GLIS3: variants seen among roughly 807,000 people sequenced by gnomAD.
GLIS3 encodes zinc finger protein GLIS3.
GLIS3 carries 53 observed loss-of-function variants against 78.6 expected under a neutral mutation model. The ratio of observed to expected loss-of-function variants is 0.67; its 90% confidence interval spans 0.54 to 0.85. The LOEUF (loss-of-function observed/expected upper bound fraction) is 0.85, where lower values mean the gene tolerates loss of function less well. Among genes scored for constraint, GLIS3 ranks in the 40% least tolerant of loss-of-function variants. The pLI is 0.00. For synonymous variants in GLIS3, 684 were observed against 509.9 expected, an observed-to-expected ratio of 1.34 and a Z score of -4.60; for missense variants, 1,703 against 1,231.1, an observed-to-expected ratio of 1.38 and a Z score of -5.74.
At chr9:3,922,054 G>C (rs1382023124) in intron 6 of GLIS3, among the ~76,000 whole-genome samples, 1 of 152,136 alleles carries the variant, frequency 6.6e-6, no homozygotes, top group Non-Finnish European at 1.5e-5. Flanking sequence ...TTGGCAATAT[G>C]TTGTAAGGAA....
chr9:4,364,683 T>C, the GLIS3 span, among the ~76,000 whole-genome samples: 1 of 145,512 alleles, frequency 6.9e-6, no homozygotes, highest in Non-Finnish European at 1.5e-5. Flanking sequence ...TATCTTTTTA[T>C]TTTCTTCTTT....
intron 4 of GLIS3, among the ~76,000 whole-genome samples, chr9:3,951,861 C>CACACACAG (rs956711512): frequency 3.4e-5 from 5 of 148,684 alleles, no homozygotes; most frequent in Non-Finnish European, 6.0e-5. Flanking sequence ...CACACACACA[C>CACACACAG]ACACACACAC....
chr9:4,404,358 A>G, the GLIS3 span, among the ~76,000 whole-genome samples: 1 of 152,238 alleles, frequency 6.6e-6, no homozygotes, highest in African/African-American at 2.4e-5. Flanking sequence ...AATCTGCGCT[A>G]TGGAACAAAT....
At chr9:4,077,648 C>G (rs1828190171) in intron 4 of GLIS3, among the ~76,000 whole-genome samples, 1 of 152,162 alleles carries the variant, frequency 6.6e-6, no homozygotes, top group Admixed American at 6.5e-5. Flanking sequence ...TACAATATTT[C>G]TCCTTTGCCA....
chr9:4,195,497 C>T lies in GLIS3; in HGVS notation c.389-69556G>A, dbSNP rs558745990. On this transcript the variant is annotated intron_variant, in intron 2 of 10. Coordinates refer to ENST00000381971, the MANE Select transcript of GLIS3 (RefSeq NM_001042413.2). ...CCCAGCACTGCCGGCCCGCCAGCAC[C>T]GCGCTCGAATTCTCGCCGGGCCTCA... is the stretch of plus-strand genomic sequence containing the variant. Among the ~76,000 whole-genome samples the T allele has an allele frequency of 1.4e-4, 21 of 152,350 alleles. No homozygotes were observed. The South Asian group carries it at 3.1e-3, about 23-fold the overall frequency.
Position 3,828,203 on chromosome 9 carries a change from A to G in GLIS3, c.*69T>C, listed in dbSNP as rs913597564. 8.2e-6 allele frequency: 13 copies of G among 1,581,510 alleles called. No homozygotes were observed. The highest frequency in any genetic ancestry group is 1.3e-5 in the African/African-American group (1 of 74,240). On this transcript the variant is annotated 3_prime_UTR_variant, in exon 11 of 11. Coordinates refer to ENST00000381971, the MANE Select transcript of GLIS3 (RefSeq NM_001042413.2). ...GACATCCTTCCTCAAGCAGTCTGTG[A>G]GAGTACGAAAACAAAAGGTGGCAAG...
intron 6 of GLIS3, among the ~76,000 whole-genome samples, chr9:3,924,475 A>G (rs1427697097): frequency 6.6e-6 from 1 of 152,206 alleles, no homozygotes; most frequent in Non-Finnish European, 1.5e-5. Flanking sequence ...CTGATGTCCA[A>G]TCCAAACACC....
At chr9:4,255,277 T>C (rs575324803) in intron 2 of GLIS3, among the ~76,000 whole-genome samples, 1 of 152,352 alleles carries the variant, frequency 6.6e-6, no homozygotes, top group East Asian at 1.9e-4. Flanking sequence ...TGCAAAATGG[T>C]ACAGCTACTT....
intron 2 of GLIS3, among the ~76,000 whole-genome samples, chr9:4,252,099 C>A (rs569796516): frequency 3.3e-5 from 5 of 152,130 alleles, no homozygotes; most frequent in Admixed American, 2.6e-4. Context: ...TTGCTCTTCT[C>A]AAGGAGTATC....
intron 9 of GLIS3, among the ~76,000 whole-genome samples, chr9:3,834,858 C>T (rs1383015788): frequency 6.6e-5 from 10 of 152,186 alleles, no homozygotes; most frequent in Non-Finnish European, 1.5e-5. Context: ...TCCAACCCTC[C>T]TAGAGGTACT....
At chr9:4,378,714 G>C in the GLIS3 span, among the ~76,000 whole-genome samples, 1 of 152,202 alleles carries the variant, frequency 6.6e-6, no homozygotes, top group South Asian at 2.1e-4. Flanking sequence ...TCCAGAGGCA[G>C]AATGAGAAAG....
chr9:4,300,411 C>T (rs190153871), upstream of GLIS3, among the ~76,000 whole-genome samples: 93 of 151,872 alleles, frequency 6.1e-4, 1 homozygote, highest in East Asian at 0.011. Context: ...AACAAACAAC[C>T]AAAAAAATCC....
the GLIS3 span, among the ~76,000 whole-genome samples, chr9:4,403,582 G>A: frequency 1.4e-4 from 22 of 152,162 alleles, no homozygotes; most frequent in Admixed American, 1.2e-3. Flanking sequence ...AAGTTATAAA[G>A]TGTAGAGTTT....
At chr9:3,849,532 C>T (rs545530651) in intron 9 of GLIS3, among the ~76,000 whole-genome samples, 2 of 152,280 alleles carry the variant, frequency 1.3e-5, no homozygotes, top group Non-Finnish European at 1.5e-5. Flanking sequence ...AATGACAAAG[C>T]ACAAAGTTGG....
chr9:4,398,769 C>G, the GLIS3 span, among the ~76,000 whole-genome samples: 1 of 152,180 alleles, frequency 6.6e-6, no homozygotes, highest in Non-Finnish European at 1.5e-5. Context: ...CTCACTGCAA[C>G]CTCTGCCTCC....
chr9:4,319,983 TTG>T (rs58794068), intron 2 of GLIS3, among the ~76,000 whole-genome samples: 4,947 of 145,052 alleles, frequency 0.034, 85 homozygotes, highest in Middle Eastern at 0.063. Flanking sequence ...GTAGAGGGGG[TTG>T]TGTGTGTGTG....
chr9:4,269,092 C>A (rs1826271902), intron 2 of GLIS3, among the ~76,000 whole-genome samples: 1 of 152,210 alleles, frequency 6.6e-6, no homozygotes, highest in South Asian at 2.1e-4. Context: ...TCACACGACA[C>A]AGAATAACTC....
At chr9:4,391,166 G>A in the GLIS3 span, among the ~76,000 whole-genome samples, 1 of 152,100 alleles carries the variant, frequency 6.6e-6, no homozygotes, top group Admixed American at 6.5e-5. Context: ...GCTTTACCTG[G>A]AGGTCAGTGA....
chr9:3,971,050 CGAAG>C (rs3061610), intron 4 of GLIS3, among the ~76,000 whole-genome samples: 5 of 138,636 alleles, frequency 3.6e-5, no homozygotes, highest in South Asian at 4.6e-4. Context: ...AAGGAAGGAT[CGAAG>C]GAAGGAAGGA....
Sources: allele counts gnomAD v4.1 joint callset (sites outside exome capture counted in the v4.1 genomes callset), GRCh38; gene constraint gnomAD v4.1.1; transcripts MANE v1.5; gene names NCBI Gene and HGNC (gene_info 2026-07-23, HGNC 2026-07-21).